KCNQ5: variants seen among roughly 807,000 people sequenced by gnomAD.
The protein encoded by KCNQ5 is potassium voltage-gated channel subfamily Q member 5.
Under a neutral mutation model 98.2 loss-of-function variants are expected in KCNQ5, and 30 were observed. The observed-to-expected ratio is 0.31, with a 90% CI of 0.23 to 0.41. The LOEUF (loss-of-function observed/expected upper bound fraction) is 0.41, where lower values mean the gene tolerates loss of function less well. Among genes scored for constraint, KCNQ5 ranks in the 10% least tolerant of loss-of-function variants. The pLI is 1.00. For missense variants in KCNQ5, 835 were observed against 1,182.5 expected (o/e 0.71, Z 4.31); for synonymous variants, 458 against 449.4 (o/e 1.02, Z -0.24).
intron 2 of KCNQ5, among the ~76,000 whole-genome samples, chr6:73,019,726 A>T (rs1271652647): frequency 6.6e-6 from 1 of 152,200 alleles, no homozygotes; most frequent in Non-Finnish European, 1.5e-5. Flanking sequence ...GGCAGTTTAG[A>T]TTGAAAAACA....
chr6:72,670,424 A>G (rs967951618), intron 1 of KCNQ5, among the ~76,000 whole-genome samples: 3 of 151,788 alleles, frequency 2.0e-5, no homozygotes, highest in Non-Finnish European at 4.4e-5. Context: ...TGCAGCCTCT[A>G]CCCATCACTG....
chr6:73,190,793 C>G (rs1046554672), intron 12 of KCNQ5, 89 bp downstream of exon 12: 2 of 781,348 alleles, frequency 2.6e-6, no homozygotes, highest in African/African-American at 3.6e-5. Context: ...AACCTCTGAA[C>G]TCCATATTTT....
At chr6:73,170,462 G>A (rs919968276) in intron 11 of KCNQ5, among the ~76,000 whole-genome samples, 14 of 126,738 alleles carry the variant, frequency 1.1e-4, no homozygotes, top group Non-Finnish European at 1.9e-4. Context: ...ACACACACAC[G>A]CAATCAAGAT....
intron 1 of KCNQ5, among the ~76,000 whole-genome samples, chr6:72,662,020 T>G (rs971169003): frequency 1.3e-5 from 2 of 152,164 alleles, no homozygotes; most frequent in Admixed American, 1.3e-4. Context: ...TCTTTTTTCA[T>G]GCAGTGCTTG....
At chr6:72,959,105 AG>A (rs1034256847) in intron 1 of KCNQ5, among the ~76,000 whole-genome samples, 9 of 152,214 alleles carry the variant, frequency 5.9e-5, no homozygotes, top group African/African-American at 1.9e-4. Flanking sequence ...ATATTTTTGC[AG>A]GAGAAAATAA....
chr6:72,714,151 A>G (rs1290924037), intron 1 of KCNQ5, among the ~76,000 whole-genome samples: 1 of 152,196 alleles, frequency 6.6e-6, no homozygotes, highest in Non-Finnish European at 1.5e-5. Context: ...ACATAGAGAC[A>G]TATGTTCCTA....
At chr6:73,075,065 T>A (rs529578706) in intron 3 of KCNQ5, among the ~76,000 whole-genome samples, 65 of 152,268 alleles carry the variant, frequency 4.3e-4, no homozygotes, top group Admixed American at 7.2e-4. Context: ...CATAACTCTT[T>A]TTATAAAGTT....
intron 1 of KCNQ5, among the ~76,000 whole-genome samples, chr6:72,885,822 T>C (rs1714492422): frequency 6.6e-6 from 1 of 152,038 alleles, no homozygotes; most frequent in Non-Finnish European, 1.5e-5. Flanking sequence ...GGGCAATTGC[T>C]GCAAAAAAAT....
chr6:73,166,079 G>A (rs972490487), intron 10 of KCNQ5, among the ~76,000 whole-genome samples: 1 of 152,086 alleles, frequency 6.6e-6, no homozygotes, highest in Admixed American at 6.5e-5. Context: ...GGTGTCGCTC[G>A]GCAAGTTTCT....
chr6:72,746,505 A>G (rs1458016126), intron 1 of KCNQ5, among the ~76,000 whole-genome samples: 3 of 152,160 alleles, frequency 2.0e-5, no homozygotes. Context: ...GACAGGTACT[A>G]ATGGGAGTAG....
intron 1 of KCNQ5, among the ~76,000 whole-genome samples, chr6:72,819,534 T>C (rs1298685174): frequency 6.6e-6 from 1 of 152,210 alleles, no homozygotes; most frequent in Non-Finnish European, 1.5e-5. Context: ...TCCAAGAGTA[T>C]TCAAAAGTAA....
chr6:73,157,916 C>T (rs931011679), intron 10 of KCNQ5: 21 of 774,738 alleles, frequency 2.7e-5, no homozygotes, highest in South Asian at 1.7e-4. Flanking sequence ...GCTCCTGCCC[C>T]GCTGTCAAAG....
chr6:72,633,672 C>G (rs746552391), intron 1 of KCNQ5, among the ~76,000 whole-genome samples: 1 of 152,124 alleles, frequency 6.6e-6, no homozygotes, highest in Non-Finnish European at 1.5e-5. Context: ...CAGTGTGGTA[C>G]TCATACAAAA....
intron 2 of KCNQ5, among the ~76,000 whole-genome samples, chr6:73,031,518 G>A (rs1206432806): frequency 6.6e-6 from 1 of 152,194 alleles, no homozygotes; most frequent in Non-Finnish European, 1.5e-5. Context: ...GCCGTGAACT[G>A]AAGGAAACTT....
chr6:72,961,891 C>T (rs941826176), intron 1 of KCNQ5, among the ~76,000 whole-genome samples: 9 of 151,690 alleles, frequency 5.9e-5, no homozygotes, highest in African/African-American at 2.2e-4. Flanking sequence ...TAAGTGGGAG[C>T]CAAGGCCAGG....
intron 1 of KCNQ5, among the ~76,000 whole-genome samples, chr6:72,642,334 C>G (rs1054901152): frequency 6.6e-6 from 1 of 151,782 alleles, no homozygotes; most frequent in African/African-American, 2.4e-5. Flanking sequence ...TATTTATCAA[C>G]TTTTATTTTA....
At position 73,194,766 on chromosome 6, in the gene KCNQ5, A is replaced by G. The variant is rs200280251; in HGVS notation, c.2151A>G (p.Pro717=). The G allele has an allele frequency of 1.2e-6, 2 of 1,614,242 alleles. No homozygotes were observed. Among genetic ancestry groups the G allele is most frequent in the African/African-American group, 2.7e-5 (2 of 75,076 alleles). The part of the protein sequence containing the change: ...PTMHSQATQV[P]ISQSDGSAVA... ...TGCACAGTCAAGCAACACAGGTGCC[A>G]ATTAGTCAAAGCGATGGCTCAGCAG... Residue 717 remains proline, a synonymous_variant, in exon 14 of 14, where the codon CCA becomes CCG. Coordinates refer to ENST00000370398, the MANE Select transcript of KCNQ5 (RefSeq NM_019842.4).
At chr6:73,154,361 A>C (rs183542815) in intron 10 of KCNQ5, among the ~76,000 whole-genome samples, 1 of 152,304 alleles carries the variant, frequency 6.6e-6, no homozygotes, top group Non-Finnish European at 1.5e-5. Context: ...CAGCAATATA[A>C]AGTATTGGGA....
chr6:72,710,176 G>A (rs1181637488), intron 1 of KCNQ5, among the ~76,000 whole-genome samples: 1 of 152,060 alleles, frequency 6.6e-6, no homozygotes, highest in African/African-American at 2.4e-5. Flanking sequence ...TTAAAAGAAT[G>A]GACAACTGGA....
Sources: gnomAD v4.1 joint callset for allele counts (sites outside exome capture counted in the v4.1 genomes callset) on GRCh38, gnomAD v4.1.1 for gene constraint, MANE v1.5 for transcripts, NCBI Gene and HGNC (gene_info 2026-07-23, HGNC 2026-07-21) for gene names.